FARS2: variants seen among roughly 807,000 people sequenced by gnomAD.
FARS2 encodes the protein phenylalanyl-tRNA synthetase 2, mitochondrial, also known as phenylalanine--tRNA ligase, mitochondrial.
FARS2 carries 40 observed loss-of-function variants against 46.4 expected under a neutral mutation model. That is an observed-to-expected ratio of 0.86 (90% CI 0.67 to 1.12). FARS2 has a LOEUF of 1.12. Among genes scored for constraint, FARS2 ranks in the 50% most tolerant of loss-of-function variants. FARS2 has a pLI of 0.00. For synonymous variants in FARS2, 234 were observed against 214.9 expected (o/e 1.09, Z -0.78); for missense variants, 513 against 567.9 (o/e 0.90, Z 0.98).
intron 6 of FARS2, among the ~76,000 whole-genome samples, chr6:5,702,462 A>G (rs1758502709): frequency 6.6e-6 from 1 of 152,194 alleles, no homozygotes; most frequent in South Asian, 2.1e-4. Flanking sequence ...GAACAGATAA[A>G]ATATAACTTT....
intron 4 of FARS2, among the ~76,000 whole-genome samples, chr6:5,531,535 A>G (rs924646684): frequency 6.6e-6 from 1 of 152,202 alleles, no homozygotes; most frequent in African/African-American, 2.4e-5. Flanking sequence ...CTCAGACCGT[A>G]TTAAAGAACA....
rs369875988 is a variant in FARS2, at chr6:5,764,424, G to A, written c.1218-6867G>A. On this transcript the variant is annotated intron_variant, in intron 6 of 6. Coordinates refer to ENST00000274680, the MANE Select transcript of FARS2 (RefSeq NM_006567.5). This position sits in a 1 kb window ranked among gnomAD's most constrained non-coding sequence, Gnocchi z 4.1. ...AGCCCTACCCACTAAAGCATTGCAC[G>A]TATTGACCCTCGCAGCCATGCACAG... Among the ~76,000 whole-genome samples the A allele has an allele frequency of 1.1e-4, 17 of 152,156 alleles. No individual in the cohort carries two copies. Among genetic ancestry groups the A allele is most frequent in the African/African-American group, 2.9e-4 (12 of 41,504 alleles).
intron 6 of FARS2, among the ~76,000 whole-genome samples, chr6:5,694,425 T>C (rs1292462119): frequency 6.6e-6 from 1 of 152,242 alleles, no homozygotes; most frequent in Non-Finnish European, 1.5e-5. Flanking sequence ...TGATTAGAAA[T>C]TATGGGGAAA....
chr6:5,556,636 T>C (rs77600707), intron 5 of FARS2, among the ~76,000 whole-genome samples: 6,643 of 151,400 alleles, frequency 0.044, 205 homozygotes, highest in South Asian at 0.082. Flanking sequence ...CATATTTGGA[T>C]TATTGTAACT....
At chr6:5,557,180 G>A (rs374573388) in intron 5 of FARS2, among the ~76,000 whole-genome samples, 1 of 152,124 alleles carries the variant, frequency 6.6e-6, no homozygotes, top group East Asian at 1.9e-4. Flanking sequence ...AATATGGGAA[G>A]TAATTGTTAC....
At chr6:5,362,772 A>C (rs936117970) in intron 1 of FARS2, among the ~76,000 whole-genome samples, 1 of 152,084 alleles carries the variant, frequency 6.6e-6, no homozygotes, top group Non-Finnish European at 1.5e-5. Flanking sequence ...AGCGGTTCTA[A>C]CAGGTGTAAA....
At chr6:5,680,967 A>G (rs1779004714) in intron 6 of FARS2, among the ~76,000 whole-genome samples, 2 of 152,286 alleles carry the variant, frequency 1.3e-5, no homozygotes. Flanking sequence ...AGTTAAAAAT[A>G]TAAAAACAAT....
chr6:5,613,385 A>C (rs1439177516), intron 6 of FARS2, 65 bp downstream of exon 6: 1 of 1,475,674 alleles, frequency 6.8e-7, no homozygotes, highest in African/African-American at 1.4e-5. Flanking sequence ...ATGTGGAAGC[A>C]TATCATAAAA....
At chr6:5,642,456 T>TA (rs908728228) in intron 6 of FARS2, among the ~76,000 whole-genome samples, 9 of 151,658 alleles carry the variant, frequency 5.9e-5, no homozygotes, top group East Asian at 1.9e-4. Flanking sequence ...AAAATGTTAC[T>TA]AAAAAAAAAT....
At chr6:5,747,096 T>C (rs1582873189) in intron 6 of FARS2, among the ~76,000 whole-genome samples, 1 of 151,960 alleles carries the variant, frequency 6.6e-6, no homozygotes, top group Non-Finnish European at 1.5e-5. Flanking sequence ...GCCCCAAGTT[T>C]GAGGAACAGG....
rs187550725 is a variant in FARS2 at position 5,434,844 on chromosome 6, T to G, written c.904+3672T>G. 7.8e-4 allele frequency among the ~76,000 whole-genome samples: 119 copies of G among 152,252 alleles called. 1 individual carries two copies. Among genetic ancestry groups the G allele is most frequent in the Non-Finnish European group, 3.5e-4 (24 of 68,012 alleles). ...TTAAAAGAGAACTTCCAAGAAACAA[T>G]ATAATTGATGACTCCCCTTTAAGGT... On this transcript the variant is annotated intron_variant, in intron 4 of 6. Coordinates refer to ENST00000274680, the MANE Select transcript of FARS2 (RefSeq NM_006567.5).
chr6:5,258,642 G>GATT (rs1265898280), upstream of FARS2, among the ~76,000 whole-genome samples: 2 of 152,296 alleles, frequency 1.3e-5, no homozygotes, highest in East Asian at 3.9e-4. Context: ...TATCTAGGGA[G>GATT]GTAATAGCAG....
intron 6 of FARS2, among the ~76,000 whole-genome samples, chr6:5,683,875 G>A (rs572591089): frequency 6.6e-6 from 1 of 152,158 alleles, no homozygotes; most frequent in African/African-American, 2.4e-5. Flanking sequence ...GTGGTATTTG[G>A]TTTTCTGTTC....
At chr6:5,644,149 G>A (rs1368915877) in intron 6 of FARS2, among the ~76,000 whole-genome samples, 4 of 152,138 alleles carry the variant, frequency 2.6e-5, no homozygotes. Flanking sequence ...CCATAGCGCA[G>A]CCATCCTTGG....
intron 4 of FARS2, among the ~76,000 whole-genome samples, chr6:5,515,278 T>C (rs1412284425): frequency 6.6e-6 from 1 of 152,166 alleles, no homozygotes; most frequent in Non-Finnish European, 1.5e-5. Context: ...CTCTTGCCAA[T>C]AGGAATTTCT....
chr6:5,691,310 C>G (rs1298359526), intron 6 of FARS2, among the ~76,000 whole-genome samples: 2 of 152,164 alleles, frequency 1.3e-5, no homozygotes, highest in African/African-American at 2.4e-5. Context: ...TTTTCCCCAT[C>G]TTTGTGGTTT....
At chr6:5,639,926 G>C (rs1019325973) in intron 6 of FARS2, among the ~76,000 whole-genome samples, 1 of 152,188 alleles carries the variant, frequency 6.6e-6, no homozygotes, top group African/African-American at 2.4e-5. Context: ...TGGGTCCCCT[G>C]CTTTTCCTCA....
At chr6:5,291,884 T>C (rs1451410380) in intron 1 of FARS2, among the ~76,000 whole-genome samples, 1 of 152,240 alleles carries the variant, frequency 6.6e-6, no homozygotes, top group Admixed American at 6.5e-5. Context: ...TAATAAGATA[T>C]ACTATTTTAT....
intron 4 of FARS2, among the ~76,000 whole-genome samples, chr6:5,483,031 C>T (rs1766565089): frequency 6.6e-6 from 1 of 152,140 alleles, no homozygotes. Context: ...CCTGGGACTT[C>T]TCCAGCTCTG....
Sources: gnomAD v4.1 joint callset for allele counts (sites outside exome capture counted in the v4.1 genomes callset) on GRCh38, gnomAD v4.1.1 for gene constraint, Gnocchi (gnomAD v3.1) non-coding constraint, MANE v1.5 for transcripts, NCBI Gene and HGNC (gene_info 2026-07-23, HGNC 2026-07-21) for gene names.